Variants in S100A1 observed in about 807,000 individuals in gnomAD.
S100A1 encodes the protein S100 calcium binding protein A1.
In S100A1, 3 loss-of-function variants were observed where a neutral mutation model predicts 7.6. That is an observed-to-expected ratio of 0.40 (90% CI 0.18 to 1.02). The LOEUF is 1.02. Ranked by LOEUF, S100A1 falls within the 50% of genes least tolerant of loss-of-function variation. The pLI is 0.35. For synonymous variants in S100A1, 49 were observed against 49.0 expected (o/e 1.00, Z 0.00); for missense variants, 126 against 115.0 (o/e 1.10, Z -0.44).
intron 1 of S100A1, 165 bp from the exon 2 acceptor site, chr1:153,630,344 T>C: frequency 1.2e-6 from 1 of 847,458 alleles, no homozygotes; most frequent in South Asian, 1.9e-5. Context: ...TCTCTTGGGG[T>C]TTCCCTCACA....
intron 1 of S100A1, chr1:153,628,790 C>G: frequency 2.3e-6 from 1 of 435,508 alleles, no homozygotes; most frequent in Non-Finnish European, 4.1e-6. Flanking sequence ...AGGGAGCCCT[C>G]AAGTCCCTGC....
At chr1:153,629,269 C>G (rs898253115) in intron 1 of S100A1, 1 of 152,280 alleles carries the variant, frequency 6.6e-6, no homozygotes, top group South Asian at 2.1e-4. Flanking sequence ...GCACCCCTCC[C>G]TCAAGCACCC....
At position 153,630,542 on chromosome 1, in the gene S100A1, G is replaced by T. The variant is rs142954586; in HGVS notation, c.21G>T (p.Thr7=). 3.1e-6 allele frequency: 5 copies of T among 1,614,228 alleles called. No individual in the cohort carries two copies. In the South Asian group the frequency reaches 3.3e-5, roughly 11 times the overall value. MGSELE[T]AMETLINVFH... ...CTGCAATGGGCTCTGAGCTGGAGAC[G>T]GCGATGGAGACCCTCATCAACGTGT... Residue 7 remains threonine, a synonymous_variant, in exon 2 of 3, where the codon ACG becomes ACT. Transcript: ENST00000292169.
intron 2 of S100A1, 69 bp downstream of exon 2, chr1:153,630,731 G>C: frequency 6.4e-7 from 1 of 1,552,990 alleles, no homozygotes; most frequent in Non-Finnish European, 8.8e-7. Flanking sequence ...ACACCCCCTT[G>C]CTATCTCCCC....
chr1:153,630,680 G>A lies in S100A1; in HGVS notation c.141+18G>A. The A allele has an allele frequency of 1.2e-6, 2 of 1,613,270 alleles. No individual in the cohort carries two copies. Among genetic ancestry groups the A allele is most frequent in the South Asian group, 2.2e-5 (2 of 91,016 alleles). ...TCCTGGATGTGAGCATAGAGTGGTG[G>A]AGTGGGAGTGGAGTGGGTGAAGGTT... On this transcript the variant is annotated intron_variant, in intron 2 of 2. Transcript: ENST00000292169.
Position 153,631,698 on chromosome 1 carries a change from G to C in S100A1, c.142G>C (p.Ala48Pro). The C allele has an allele frequency of 6.2e-7, 1 of 1,614,002 alleles. No individual in the cohort carries two copies. Among genetic ancestry groups the C allele is most frequent in the East Asian group, 2.2e-5 (1 of 44,886 alleles). The change falls in exon 3 of 3, where the codon GCC (alanine) becomes CCC (proline). Residue 48 changes from alanine (A) to proline (P), a missense_variant and splice_region_variant. By Grantham distance (27) the Ala-to-Pro change is conservative. Coordinates refer to ENST00000292169, the MANE Select transcript of S100A1 (RefSeq NM_006271.2). ...LQTELSGFLDAQKDVDAVDKV... is the reference protein window; with the variant it reads ...LQTELSGFLDPQKDVDAVDKV... The stretch of plus-strand genomic sequence containing the variant: ...CCCTCTTCCTCTCCTCCCACCACAG[G>C]CCCAGAAGGATGTGGATGCTGTGGA...
intron 2 of S100A1, 73 bp from the exon 3 acceptor site, chr1:153,631,625 A>G (rs1668013362): frequency 6.2e-7 from 1 of 1,613,246 alleles, no homozygotes; most frequent in South Asian, 1.1e-5. Context: ...CTGCTCCTCA[A>G]CCACCCCCTT....
At chr1:153,631,309 C>A in intron 2 of S100A1, 2 of 735,212 alleles carry the variant, frequency 2.7e-6, no homozygotes, top group South Asian at 1.9e-5. Context: ...CTGCTACTTT[C>A]TAGCTGTGGG....
chr1:153,631,536 A>T, intron 2 of S100A1, 162 bp from the exon 3 acceptor site: 1 of 1,613,842 alleles, frequency 6.2e-7, no homozygotes, highest in Non-Finnish European at 8.5e-7. Context: ...GCTGTAGGCA[A>T]CAGAAGCCCT....
At chr1:153,630,750 T>G (rs1667967993) in intron 2 of S100A1, 88 bp downstream of exon 2, 1 of 1,515,396 alleles carries the variant, frequency 6.6e-7, no homozygotes, top group African/African-American at 1.4e-5. Flanking sequence ...CCACCCCACC[T>G]CCAGCTCAGC....
intron 1 of S100A1, chr1:153,628,698 C>T (rs1003089443): frequency 2.9e-5 from 26 of 901,918 alleles, no homozygotes; most frequent in Admixed American, 9.1e-5. Flanking sequence ...AACTGAAGGT[C>T]GGAGAGAGAG....
Position 153,630,268 on chromosome 1 carries a change from C to T in S100A1, c.-13-241C>T, listed in dbSNP as rs1003919444. The T allele has an allele frequency of 1.1e-5, 6 of 541,022 alleles. No individual in the cohort carries two copies. In the South Asian group the frequency reaches 1.6e-4, roughly 14 times the overall value. 33.5% of individuals were successfully genotyped at this position (541,022 alleles called of 1,614,324 possible). On this transcript the variant is annotated intron_variant, in intron 1 of 2. Coordinates refer to ENST00000292169, the MANE Select transcript of S100A1 (RefSeq NM_006271.2). ...AGCTCCAACTGCTCTCTCTCCATGC[C>T]CCAACCCTGATTCCCTCTGGCTGGG...
intron 1 of S100A1, 88 bp downstream of exon 1, chr1:153,628,584 A>G: frequency 6.6e-7 from 1 of 1,521,592 alleles, no homozygotes; most frequent in Non-Finnish European, 8.8e-7. Context: ...GCTGGGGACC[A>G]TAGCACTGTG....
chr1:153,630,745 C>T, intron 2 of S100A1, 83 bp downstream of exon 2: 3 of 1,528,816 alleles, frequency 2.0e-6, no homozygotes, highest in Non-Finnish European at 2.7e-6. Flanking sequence ...TCTCCCCACC[C>T]CACCTCCAGC....
Position 153,630,589 on chromosome 1 carries a change from A to C in S100A1, c.68A>C (p.Glu23Ala), listed in dbSNP as rs756204335. The C allele has an allele frequency of 1.7e-5, 28 of 1,614,124 alleles. No homozygotes were observed. The highest frequency in any genetic ancestry group is 2.3e-5 in the Non-Finnish European group (27 of 1,180,054). ...GTGTTCCACGCCCACTCGGGCAAAG[A>C]GGGGGACAAGTACAAGCTGAGCAAG... is the stretch of plus-strand genomic sequence containing the variant. ...INVFHAHSGK[E>A]GDKYKLSKKE... Residue 23 changes from glutamate to alanine, a missense_variant, in exon 2 of 3, where the codon GAG becomes GCG. Coordinates refer to ENST00000292169, the MANE Select transcript of S100A1 (RefSeq NM_006271.2).
In S100A1 at chr1:153,630,747, A is replaced by C. The variant is rs547601812; in HGVS notation, c.141+85A>C. 8.5e-6 allele frequency: 13 copies of C among 1,525,474 alleles called. No individual in the cohort carries two copies. In the African/African-American group the frequency reaches 1.8e-4, roughly 21 times the overall value. The allele number at this position is 1,525,474 out of a possible 1,614,324, so 94.5% of individuals were successfully genotyped here. ...CACCCCCTTGCTATCTCCCCACCCC[A>C]CCTCCAGCTCAGCCTAGCCTCTTTC... On this transcript the variant is annotated intron_variant, in intron 2 of 2. Transcript: ENST00000292169.
chr1:153,628,585 T>C (rs1667816041), intron 1 of S100A1, 89 bp downstream of exon 1: 12 of 1,520,298 alleles, frequency 7.9e-6, no homozygotes, highest in Non-Finnish European at 1.1e-5. Flanking sequence ...CTGGGGACCA[T>C]AGCACTGTGG....
At chr1:153,631,551 AC>A (rs1432761417) in intron 2 of S100A1, 146 bp from the exon 3 acceptor site, 1 of 1,613,732 alleles carries the variant, frequency 6.2e-7, no homozygotes, top group East Asian at 2.2e-5. Context: ...AGCCCTCAAG[AC>A]CTTTGAGGAG....
rs1023243269 is a variant in S100A1, at chr1:153,631,255, G to T, written c.142-443G>T. On this transcript the variant is annotated intron_variant, in intron 2 of 2. Transcript: ENST00000292169. ...GAAGCCTCAGGATACGGTAGAAAGT[G>T]CACCGGTTTTGAGGTTTTATTGGAC... 1.1e-4 allele frequency: 64 copies of T among 581,596 alleles called. No individual in the cohort carries two copies. The African/African-American group carries it at 1.1e-3, about 10-fold the overall frequency. 36.0% of individuals were successfully genotyped at this position (581,596 alleles called of 1,614,324 possible).
Sources: gnomAD v4.1 joint callset for allele counts on GRCh38, gnomAD v4.1.1 for gene constraint, MANE v1.5 for transcripts, NCBI Gene and HGNC (gene_info 2026-07-23, HGNC 2026-07-21) for gene names.